Variants in DLGAP4 observed in about 807,000 individuals in gnomAD.
DLGAP4 encodes disks large-associated protein 4.
In DLGAP4, 18 loss-of-function variants were observed where a neutral mutation model predicts 86.9. That is an observed-to-expected ratio of 0.21 (90% CI 0.14 to 0.31). The LOEUF (loss-of-function observed/expected upper bound fraction) is 0.31, where lower values mean the gene tolerates loss of function less well. Ranked by LOEUF, DLGAP4 falls within the 10% of genes least tolerant of loss-of-function variation. DLGAP4 has a pLI of 1.00. For missense variants in DLGAP4, 1,085 were observed against 1,362.6 expected, an observed-to-expected ratio of 0.80 and a Z score of 3.21; for synonymous variants, 548 against 574.3, an observed-to-expected ratio of 0.95 and a Z score of 0.65.
At position 36,350,161 on chromosome 20, in the gene DLGAP4, C is replaced by A. The variant is rs1029340927; in HGVS notation, c.-303-16884C>A. ...ACAGGACGGGGATCTGCACAGGGAC[C>A]CAGAAGGCTGGCGGGTGCCAAGCCT... On this transcript the variant is annotated intron_variant, in intron 1 of 12. Coordinates refer to ENST00000339266, the MANE Select transcript of DLGAP4 (RefSeq NM_001365621.2). The surrounding 1 kb of genome is among the most constrained non-coding windows in gnomAD (Gnocchi z 4.4). 6.6e-6 allele frequency among the ~76,000 whole-genome samples: 1 copy of A among 152,320 alleles called. No homozygotes were observed. The highest frequency in any genetic ancestry group is 2.4e-5 in the African/African-American group (1 of 41,578).
chr20:36,467,079 C>T (rs1159958751), intron 7 of DLGAP4, among the ~76,000 whole-genome samples: 1 of 143,846 alleles, frequency 7.0e-6, no homozygotes, highest in African/African-American at 2.7e-5. Flanking sequence ...CCCCTTCTCT[C>T]GGCCCTGCCT....
Position 36,500,051 on chromosome 20 carries a change from C to T in DLGAP4, c.2100-148C>T. 1 of 922,862 alleles carries T rather than the reference C, an allele frequency of 1.1e-6. No homozygotes were observed. The highest frequency in any genetic ancestry group is 1.8e-5 in the South Asian group (1 of 55,326). The allele number at this position is 922,862 out of a possible 1,614,324, so 57.2% of individuals were successfully genotyped here. ...GGCTGAGCCAAGAATGAGATGGGGG[C>T]TGTGGGACCCGCTTCAGGCGCATGG... On this transcript the variant is annotated intron_variant, in intron 9 of 12. Transcript: ENST00000339266. The surrounding 1 kb of genome is among the most constrained non-coding windows in gnomAD (Gnocchi z 4.6).
rs1253846972 is a variant in DLGAP4 at position 36,446,768 on chromosome 20, A to G, written c.1479A>G (p.Thr493=). Residue 493 remains threonine (T), a synonymous_variant, in exon 7 of 13, where the codon ACA becomes ACG. Coordinates refer to ENST00000339266, the MANE Select transcript of DLGAP4 (RefSeq NM_001365621.2). ...CESACSEAES[T]AAETLDLPLP... is the part of the protein sequence containing the mutation. ...CAGCCTGCAGTGAAGCGGAGTCCAC[A>G]GCGGCAGAGACGCTTGACTTGCCAC... The G allele has an allele frequency of 6.2e-7, 1 of 1,612,962 alleles. No individual in the cohort carries two copies. Among genetic ancestry groups the G allele is most frequent in the South Asian group, 1.1e-5 (1 of 91,020 alleles).
At chr20:36,467,073 T>TC (rs2034447638) in intron 7 of DLGAP4, among the ~76,000 whole-genome samples, 1 of 100,952 alleles carries the variant, frequency 9.9e-6, no homozygotes, top group African/African-American at 4.8e-5. Flanking sequence ...TCCCCCCCCC[T>TC]TCTCTCGGCC....
intron 7 of DLGAP4, among the ~76,000 whole-genome samples, chr20:36,458,271 T>G (rs201889886): frequency 6.8e-6 from 1 of 146,222 alleles, no homozygotes; most frequent in African/African-American, 2.5e-5. Context: ...AGCACTTTGG[T>G]AGGCCGAGGC....
Position 36,525,913 on chromosome 20 carries a change from G to A in DLGAP4, c.2667G>A (p.Gln889=). 6.2e-7 allele frequency: 1 copy of A among 1,613,906 alleles called. No homozygotes were observed. Among genetic ancestry groups the A allele is most frequent in the Non-Finnish European group, 8.5e-7 (1 of 1,179,992 alleles). Residue 889 remains glutamine (Q), a synonymous_variant, in exon 12 of 13, where the codon CAG becomes CAA. Transcript: ENST00000339266. ...TGGCAGGGTTCTGGGACCTGCTACA[G>A]CTGTCCATCGAGGATATCAGCATGA... The part of the protein sequence containing the change: ...QDLAGFWDLL[Q]LSIEDISMKF...
At chr20:36,443,696 C>T (rs1247087895) in intron 6 of DLGAP4, among the ~76,000 whole-genome samples, 4 of 152,156 alleles carry the variant, frequency 2.6e-5, no homozygotes, top group African/African-American at 9.7e-5. Flanking sequence ...GTGCCCCCTA[C>T]ACAGTAAATC....
chr20:36,512,410 G>C (rs918282240), intron 10 of DLGAP4, among the ~76,000 whole-genome samples: 1 of 152,128 alleles, frequency 6.6e-6, no homozygotes, highest in East Asian at 1.9e-4. Context: ...CTTCAGGACA[G>C]TGTGGAATAA....
intron 1 of DLGAP4, among the ~76,000 whole-genome samples, chr20:36,317,444 C>CTTTCTTTTCT (rs1399148489): frequency 1 from 128,218 of 128,816 alleles, 63,814 homozygotes; most frequent in Middle Eastern, 1. Flanking sequence ...TTCTTTTCTC[C>CTTTCTTTTCT]TTTCTTTTCC....
At chr20:36,462,206 C>A in intron 7 of DLGAP4, 1 of 1,109,950 alleles carries the variant, frequency 9.0e-7, no homozygotes, top group Non-Finnish European at 1.1e-6. Context: ...CTTGGGACCC[C>A]CCAATATGTC....
Position 36,382,531 on chromosome 20 carries a change from T to C in DLGAP4, c.-73+15256T>C, listed in dbSNP as rs573486274. Among the ~76,000 whole-genome samples, 5 of 136,008 alleles carry C rather than the reference T, an allele frequency of 3.7e-5. 1 individual carries two copies. The highest frequency in any genetic ancestry group is 5.1e-4 in the South Asian group (2 of 3,952). The allele number at this position is 136,008 out of a possible 152,430, so 89.2% of individuals were successfully genotyped here. On this transcript the variant is annotated intron_variant, in intron 2 of 12. Transcript: ENST00000339266. Reference sequence around the variant, plus strand: ...TCTTTCTTTCTTTCTTTTTTTCTTTTTTTTTTTTTTTTTTTTGAGACAGAG... The same window carrying C: ...TCTTTCTTTCTTTCTTTTTTTCTTTCTTTTTTTTTTTTTTTTGAGACAGAG...
chr20:36,475,833 T>C (rs1464242146), intron 7 of DLGAP4, among the ~76,000 whole-genome samples: 2 of 152,164 alleles, frequency 1.3e-5, no homozygotes, highest in Non-Finnish European at 2.9e-5. Context: ...AGTCCATTTT[T>C]AACACTGTCT....
intron 10 of DLGAP4, among the ~76,000 whole-genome samples, chr20:36,503,359 A>G (rs1341800473): frequency 6.6e-6 from 1 of 152,154 alleles, no homozygotes; most frequent in African/African-American, 2.4e-5. Flanking sequence ...CATTGCCCCA[A>G]AAAGATGCTC....
intron 1 of DLGAP4, among the ~76,000 whole-genome samples, chr20:36,341,001 C>A (rs1342065505): frequency 6.6e-6 from 1 of 152,212 alleles, no homozygotes; most frequent in African/African-American, 2.4e-5. Flanking sequence ...CTGGAACAAA[C>A]TGGGCCTGCT....
chr20:36,349,748 G>C (rs1275065683), intron 1 of DLGAP4, among the ~76,000 whole-genome samples: 5 of 152,184 alleles, frequency 3.3e-5, no homozygotes, highest in Non-Finnish European at 7.3e-5. Context: ...GCCCGGGGCA[G>C]TTCTGGAGTA....
intron 6 of DLGAP4, among the ~76,000 whole-genome samples, chr20:36,444,422 T>G (rs2147572827): frequency 6.6e-6 from 1 of 152,106 alleles, no homozygotes; most frequent in East Asian, 1.9e-4. Flanking sequence ...TAGCTGGGAC[T>G]ACAGGCACGC....
intron 10 of DLGAP4, among the ~76,000 whole-genome samples, chr20:36,515,275 TC>T (rs527605966): frequency 4.3e-4 from 65 of 152,372 alleles, no homozygotes; most frequent in Non-Finnish European, 8.5e-4. Context: ...TGTTCACTGA[TC>T]CATTCTGTTT....
In DLGAP4 at chr20:36,412,077, C is replaced by CT. The variant is rs1217149678; in HGVS notation, c.-72-19566dup. 5.3e-5 allele frequency among the ~76,000 whole-genome samples: 8 copies of CT among 152,254 alleles called. 1 individual carries two copies. In the East Asian group the frequency reaches 1.2e-3, roughly 22 times the overall value. On this transcript the variant is annotated intron_variant, in intron 2 of 12. Transcript: ENST00000339266. ...GCCTCCCTCCACTTGTCCACAAGCT[C>CT]TTTAAGGGCTGAGGCCATCTGAGTC...
chr20:36,409,857 C>A (rs767537814), intron 2 of DLGAP4, among the ~76,000 whole-genome samples: 2 of 151,440 alleles, frequency 1.3e-5, no homozygotes, highest in Non-Finnish European at 2.9e-5. Context: ...CACGGTGAAA[C>A]CCCGTCTCTA....
Sources: gnomAD v4.1 joint callset for allele counts (sites outside exome capture counted in the v4.1 genomes callset) on GRCh38, gnomAD v4.1.1 for gene constraint, Gnocchi (gnomAD v3.1) non-coding constraint, MANE v1.5 for transcripts, NCBI Gene and HGNC (gene_info 2026-07-23, HGNC 2026-07-21) for gene names.